ZFPM2: variants seen among roughly 807,000 people sequenced by gnomAD.
ZFPM2 encodes the protein zinc finger protein ZFPM2.
ZFPM2 carries 20 observed loss-of-function variants against 98.6 expected under a neutral mutation model. The observed-to-expected ratio is 0.20, with a 90% CI of 0.14 to 0.29. ZFPM2 has a LOEUF of 0.29. Among genes scored for constraint, ZFPM2 ranks in the 10% least tolerant of loss-of-function variants. The pLI is 1.00. For missense variants in ZFPM2, 1,310 were observed against 1,388.6 expected (o/e 0.94, Z 0.90); for synonymous variants, 518 against 502.7 (o/e 1.03, Z -0.41).
intron 5 of ZFPM2, among the ~76,000 whole-genome samples, chr8:105,736,697 G>A (rs1812080075): frequency 1.3e-5 from 2 of 152,134 alleles, no homozygotes; most frequent in South Asian, 4.1e-4. Flanking sequence ...GTTTGCCAAT[G>A]ATTGGCTACA....
chr8:105,381,547 T>A (rs750862712), intron 1 of ZFPM2, among the ~76,000 whole-genome samples: 2 of 152,072 alleles, frequency 1.3e-5, no homozygotes, highest in Non-Finnish European at 2.9e-5. Flanking sequence ...TCATATAAGT[T>A]ATGGCAGACA....
At chr8:105,721,153 G>T (rs1811653208) in intron 5 of ZFPM2, among the ~76,000 whole-genome samples, 1 of 151,842 alleles carries the variant, frequency 6.6e-6, no homozygotes. Context: ...CAGTTCTGCA[G>T]TCAGCCCTGC....
chr8:105,738,302 A>G (rs1215504612), intron 5 of ZFPM2, among the ~76,000 whole-genome samples: 1 of 151,956 alleles, frequency 6.6e-6, no homozygotes, highest in Non-Finnish European at 1.5e-5. Context: ...TTAGTTTGCT[A>G]AGGATAGTGG....
At chr8:105,631,276 T>A (rs1816749902) in intron 4 of ZFPM2, among the ~76,000 whole-genome samples, 1 of 152,196 alleles carries the variant, frequency 6.6e-6, no homozygotes, top group South Asian at 2.1e-4. Flanking sequence ...AAAATCTGTT[T>A]ATAACCTGCC....
At chr8:105,743,856 T>C (rs1391408561) in intron 5 of ZFPM2, among the ~76,000 whole-genome samples, 2 of 152,134 alleles carry the variant, frequency 1.3e-5, no homozygotes, top group Non-Finnish European at 2.9e-5. Flanking sequence ...TTTTCTTCCA[T>C]CAGCCTAGGT....
chr8:105,628,110 A>G (rs1586160439), intron 4 of ZFPM2, among the ~76,000 whole-genome samples: 1 of 152,162 alleles, frequency 6.6e-6, no homozygotes, highest in Admixed American at 6.5e-5. Context: ...ACTTCATTCA[A>G]AAGCCTCTGA....
At chr8:105,534,292 T>C (rs1204324481) in intron 3 of ZFPM2, among the ~76,000 whole-genome samples, 19 of 69,252 alleles carry the variant, frequency 2.7e-4, no homozygotes, top group South Asian at 1.3e-3. Context: ...CCCTCCCTCC[T>C]TTCTTCCTTC....
rs536117983 is a variant in ZFPM2, at chr8:105,447,474, G to A, written c.301+3093G>A. Among the ~76,000 whole-genome samples the A allele has an allele frequency of 2.3e-4, 35 of 152,118 alleles. No individual in the cohort carries two copies. In the South Asian group the frequency reaches 3.5e-3, roughly 15 times the overall value. ...TTTGCAGTTGTTGAGTCTTGAAGCC[G>A]AACCTTTAGAGTTTCTAATGCCCAC... On this transcript the variant is annotated intron_variant, in intron 3 of 7. Transcript: ENST00000407775.
intron 3 of ZFPM2, among the ~76,000 whole-genome samples, chr8:105,452,263 TC>T (rs745331444): frequency 6.6e-6 from 1 of 152,138 alleles, no homozygotes; most frequent in Non-Finnish European, 1.5e-5. Flanking sequence ...TAAAAACATT[TC>T]TATGGTTTGA....
intron 6 of ZFPM2, among the ~76,000 whole-genome samples, chr8:105,794,255 G>A (rs1379901324): frequency 1.3e-5 from 2 of 152,056 alleles, no homozygotes; most frequent in African/African-American, 2.4e-5. Flanking sequence ...GGTTTTTGGT[G>A]TGGATGTCCT....
At chr8:105,567,797 C>T (rs558830168) in intron 4 of ZFPM2, among the ~76,000 whole-genome samples, 20 of 152,154 alleles carry the variant, frequency 1.3e-4, no homozygotes, top group African/African-American at 3.4e-4. Context: ...AAAATCTAAT[C>T]GAATTGAATT....
chr8:105,609,347 G>A (rs181411024), intron 4 of ZFPM2, among the ~76,000 whole-genome samples: 1 of 152,178 alleles, frequency 6.6e-6, no homozygotes, highest in East Asian at 1.9e-4. Flanking sequence ...AATAACAAAT[G>A]GGATCTTTTG....
At chr8:105,554,350 G>T (rs1814935347) in intron 3 of ZFPM2, among the ~76,000 whole-genome samples, 1 of 152,132 alleles carries the variant, frequency 6.6e-6, no homozygotes, top group Admixed American at 6.6e-5. Flanking sequence ...TATCTGGCAG[G>T]CAGCTGTCAA....
At chr8:105,745,672 T>G (rs1224110221) in intron 5 of ZFPM2, among the ~76,000 whole-genome samples, 3 of 152,152 alleles carry the variant, frequency 2.0e-5, no homozygotes, top group African/African-American at 7.2e-5. Flanking sequence ...CAGCTTTTTC[T>G]TTGTTCATCC....
intron 1 of ZFPM2, among the ~76,000 whole-genome samples, chr8:105,398,727 C>T (rs1013753282): frequency 3.3e-5 from 5 of 152,076 alleles, no homozygotes; most frequent in African/African-American, 1.2e-4. Context: ...GCTTCCCTGG[C>T]CACTCACCTC....
intron 3 of ZFPM2, among the ~76,000 whole-genome samples, chr8:105,541,122 A>G (rs1490409031): frequency 6.6e-6 from 1 of 152,068 alleles, no homozygotes; most frequent in Admixed American, 6.6e-5. Flanking sequence ...CAAGGAAGGG[A>G]GGGCCTCCTT....
chr8:105,380,463 A>G (rs1162643756), intron 1 of ZFPM2, among the ~76,000 whole-genome samples: 3 of 148,378 alleles, frequency 2.0e-5, no homozygotes, highest in African/African-American at 7.5e-5. Flanking sequence ...CACGATCAAC[A>G]TTACATAAGG....
intron 5 of ZFPM2, among the ~76,000 whole-genome samples, chr8:105,652,861 C>G (rs1817208310): frequency 6.6e-6 from 1 of 152,162 alleles, no homozygotes; most frequent in South Asian, 2.1e-4. Flanking sequence ...ACTCTGTGGT[C>G]TCAATTCCAG....
chr8:105,652,396 CTG>C lies in ZFPM2; in HGVS notation c.532+18041_532+18042del, dbSNP rs1190364988. 4.0e-5 allele frequency among the ~76,000 whole-genome samples: 6 copies of C among 150,782 alleles called. No individual in the cohort carries two copies. In the East Asian group the frequency reaches 1.2e-3, roughly 30 times the overall value. On this transcript the variant is annotated intron_variant, in intron 5 of 7. Transcript: ENST00000407775. ...TGAGGCTGTCTGAGGCCTGTGAAGA[CTG>C]TCAAACAACAGTAGGGTCAACCAAA...
Sources: gnomAD v4.1 joint callset for allele counts (sites outside exome capture counted in the v4.1 genomes callset) on GRCh38, gnomAD v4.1.1 for gene constraint, MANE v1.5 for transcripts, NCBI Gene and HGNC (gene_info 2026-07-23, HGNC 2026-07-21) for gene names.